The following RAD18 variants were observed in gnomAD, a reference collection of about 807,000 sequenced individuals.
RAD18 encodes RAD18 E3 ubiquitin protein ligase, also known as E3 ubiquitin-protein ligase RAD18.
RAD18 carries 47 observed loss-of-function variants against 60.4 expected under a neutral mutation model. The observed-to-expected ratio is 0.78, with a 90% CI of 0.62 to 0.99. The LOEUF (loss-of-function observed/expected upper bound fraction) is 0.99. Ranked by LOEUF, RAD18 falls within the 50% of genes least tolerant of loss-of-function variation. The pLI is 0.00. For synonymous variants in RAD18, 225 were observed against 195.5 expected, an observed-to-expected ratio of 1.15 and a Z score of -1.26; for missense variants, 640 against 593.3, an observed-to-expected ratio of 1.08 and a Z score of -0.82.
At chr3:8,903,696 G>GTCACAGTTTACTTATCTT (rs1352950337) in intron 9 of RAD18, among the ~76,000 whole-genome samples, 1 of 152,134 alleles carries the variant, frequency 6.6e-6, no homozygotes, top group Non-Finnish European at 1.5e-5. Flanking sequence ...TGCAGCTGAG[G>GTCACAGTTTACTTATCTT]TCACAGTTTA....
intron 4 of RAD18, among the ~76,000 whole-genome samples, chr3:8,944,548 G>A (rs1489247344): frequency 6.7e-6 from 1 of 150,258 alleles, no homozygotes; most frequent in Non-Finnish European, 1.5e-5. Context: ...AAGGGAGGAA[G>A]GGAAGGAAAG....
At chr3:8,907,490 GCTGACC>G (rs1215752547) in intron 9 of RAD18, among the ~76,000 whole-genome samples, 1 of 152,130 alleles carries the variant, frequency 6.6e-6, no homozygotes, top group Admixed American at 6.5e-5. Flanking sequence ...AGTGAAAACA[GCTGACC>G]CCATCTCACC....
chr3:8,942,030 CCA>C (rs1940756429), intron 4 of RAD18, among the ~76,000 whole-genome samples: 1 of 152,118 alleles, frequency 6.6e-6, no homozygotes, highest in African/African-American at 2.4e-5. Flanking sequence ...CAGCTTTAGG[CCA>C]CAGAGAACAG....
chr3:8,902,286 G>C, intron 10 of RAD18, 94 bp downstream of exon 10: 1 of 1,194,712 alleles, frequency 8.4e-7, no homozygotes, highest in Non-Finnish European at 1.1e-6. Context: ...AAAGAACTAA[G>C]AACTCCAAAG....
chr3:8,902,647 T>A (rs950046021), intron 9 of RAD18, 127 bp from the exon 10 acceptor site: 2 of 922,078 alleles, frequency 2.2e-6, no homozygotes, highest in Non-Finnish European at 3.1e-6. Context: ...ATCCCAGCAC[T>A]TCAGGAGCCT....
At chr3:8,888,128 A>C (rs1206385385) in intron 12 of RAD18, among the ~76,000 whole-genome samples, 1 of 152,132 alleles carries the variant, frequency 6.6e-6, no homozygotes, top group African/African-American at 2.4e-5. Context: ...TCTAGCCTAA[A>C]GCACTTCCCT....
At chr3:8,920,755 T>A (rs1331705268) in intron 7 of RAD18, among the ~76,000 whole-genome samples, 2 of 152,176 alleles carry the variant, frequency 1.3e-5, no homozygotes, top group Non-Finnish European at 2.9e-5. Flanking sequence ...CAACAAAGAC[T>A]GTATTCTTTT....
At chr3:8,961,211 C>G (rs557012862) in intron 1 of RAD18, among the ~76,000 whole-genome samples, 21 of 152,284 alleles carry the variant, frequency 1.4e-4, no homozygotes, top group Non-Finnish European at 2.6e-4. Flanking sequence ...TGTCATGTCA[C>G]TCCAAGACAG....
At chr3:8,906,405 T>C (rs1042431798) in intron 9 of RAD18, among the ~76,000 whole-genome samples, 1 of 151,928 alleles carries the variant, frequency 6.6e-6, no homozygotes, top group Non-Finnish European at 1.5e-5. Context: ...CAGTAAAACC[T>C]CCCCCGAAAA....
intron 11 of RAD18, among the ~76,000 whole-genome samples, chr3:8,897,621 C>A (rs561562520): frequency 7.2e-5 from 11 of 152,246 alleles, no homozygotes; most frequent in African/African-American, 2.6e-4. Context: ...TTCCTGATTT[C>A]TATGGTATCA....
chr3:8,939,470 A>G, intron 6 of RAD18, 84 bp downstream of exon 6: 2 of 1,141,210 alleles, frequency 1.8e-6, no homozygotes, highest in East Asian at 4.8e-5. Context: ...TCACCAGGAT[A>G]AAAGGAATAC....
chr3:8,905,189 G>T lies in RAD18; in HGVS notation c.1028-2669C>A, dbSNP rs1273024074. On this transcript the variant is annotated intron_variant, in intron 9 of 12. Coordinates refer to ENST00000264926, the MANE Select transcript of RAD18 (RefSeq NM_020165.4). ...ATTTTCCTCTTAAAAGTTTTAAGTG[G>T]CTCAGCTAGTCGTGGGAGTGTCCAT... Among the ~76,000 whole-genome samples, 3 of 152,220 alleles carry T rather than the reference G, an allele frequency of 2.0e-5. No individual in the cohort carries two copies. In the South Asian group the frequency reaches 6.2e-4, roughly 31 times the overall value.
chr3:8,881,197 T>C lies in RAD18; in HGVS notation c.*160A>G, dbSNP rs1475593444. The stretch of plus-strand genomic sequence containing the variant: ...ACCAAGTAAGGATATTTTGTAACAT[T>C]TTTCCCCTCTGGAAAAGCAGAAAAG... On this transcript the variant is annotated 3_prime_UTR_variant, in exon 13 of 13. Coordinates refer to ENST00000264926, the MANE Select transcript of RAD18 (RefSeq NM_020165.4). 5 of 623,972 alleles carry C rather than the reference T, an allele frequency of 8.0e-6. No individual in the cohort carries two copies. Among genetic ancestry groups the C allele is most frequent in the Non-Finnish European group, 1.4e-5 (5 of 369,918 alleles). The allele number at this position is 623,972 out of a possible 1,614,324, so 38.7% of individuals were successfully genotyped here. A position where few individuals can be genotyped will look rare whatever the true frequency, so the allele number is the denominator to read the frequency against.
intron 2 of RAD18, among the ~76,000 whole-genome samples, chr3:8,952,558 T>A (rs1217574752): frequency 6.6e-6 from 1 of 152,204 alleles, no homozygotes; most frequent in Non-Finnish European, 1.5e-5. Context: ...CAACAATTTT[T>A]AAAAAATTAA....
At chr3:8,912,708 A>G (rs569238851) in intron 8 of RAD18, among the ~76,000 whole-genome samples, 27 of 75,926 alleles carry the variant, frequency 3.6e-4, no homozygotes, top group Non-Finnish European at 5.4e-4. Context: ...AACGACACTT[A>G]GCTGACTATT....
At chr3:8,931,627 A>C (rs922439591) in intron 7 of RAD18, 2 of 152,262 alleles carry the variant, frequency 1.3e-5, no homozygotes, top group African/African-American at 4.8e-5. Context: ...TAATAGCCTG[A>C]CATTTCTTAG....
chr3:8,918,016 G>A (rs1940237496), intron 7 of RAD18, among the ~76,000 whole-genome samples: 1 of 152,132 alleles, frequency 6.6e-6, no homozygotes, highest in Non-Finnish European at 1.5e-5. Flanking sequence ...ATGTTATCAG[G>A]GATAAAGAGT....
At chr3:8,906,683 C>G (rs546735617) in intron 9 of RAD18, among the ~76,000 whole-genome samples, 1 of 130,708 alleles carries the variant, frequency 7.7e-6, no homozygotes. Flanking sequence ...TCAACATTCA[C>G]CTCGTTTTCT....
At chr3:8,939,940 T>C (rs1940719224) in intron 5 of RAD18, among the ~76,000 whole-genome samples, 1 of 152,200 alleles carries the variant, frequency 6.6e-6, no homozygotes, top group African/African-American at 2.4e-5. Context: ...TTCGGTTACA[T>C]CTTTTCTACC....
Sources: allele counts gnomAD v4.1 joint callset (sites outside exome capture counted in the v4.1 genomes callset), GRCh38; gene constraint gnomAD v4.1.1; transcripts MANE v1.5; gene names NCBI Gene and HGNC (gene_info 2026-07-23, HGNC 2026-07-21).